Variants in DLGAP2 observed in about 807,000 individuals in gnomAD.
The protein encoded by DLGAP2 is DLG associated protein 2.
In DLGAP2, 26 loss-of-function variants were observed where a neutral mutation model predicts 100.3. The ratio of observed to expected loss-of-function variants is 0.26; its 90% CI spans 0.19 to 0.36. The LOEUF is 0.36. DLGAP2 is among the 10% of genes least tolerant of loss of function. The probability of loss-of-function intolerance (pLI) is 1.00; values close to 1 mark genes in which losing one functional copy is unlikely to be tolerated. For synonymous variants in DLGAP2, 886 were observed against 630.1 expected, an observed-to-expected ratio of 1.41 and a Z score of -6.08; for missense variants, 1,858 against 1,453.2, an observed-to-expected ratio of 1.28 and a Z score of -4.53.
intron 8 of DLGAP2, among the ~76,000 whole-genome samples, chr8:1,649,615 T>C (rs1038564259): frequency 3.3e-5 from 5 of 152,280 alleles, no homozygotes; most frequent in East Asian, 3.9e-4. Flanking sequence ...TCCAATGACA[T>C]AGAAGGTGGC....
intron 1 of DLGAP2, among the ~76,000 whole-genome samples, chr8:742,252 A>T (rs560407971): frequency 6.6e-6 from 1 of 152,222 alleles, no homozygotes; most frequent in East Asian, 1.9e-4. Flanking sequence ...CAGGAAAAAA[A>T]GAGAAAAATT....
At chr8:928,884 G>A (rs895796155) in intron 2 of DLGAP2, among the ~76,000 whole-genome samples, 1 of 151,910 alleles carries the variant, frequency 6.6e-6, no homozygotes, top group Non-Finnish European at 1.5e-5. Context: ...TTACACCAGG[G>A]TAGGGGCAGG....
At chr8:1,415,672 G>C (rs79501128) in intron 3 of DLGAP2, among the ~76,000 whole-genome samples, 1 of 152,176 alleles carries the variant, frequency 6.6e-6, no homozygotes, top group African/African-American at 2.4e-5. Flanking sequence ...ATAGAATTTC[G>C]TGGTGTATAG....
chr8:1,560,297 A>T (rs1802115732), intron 5 of DLGAP2, among the ~76,000 whole-genome samples: 1 of 152,154 alleles, frequency 6.6e-6, no homozygotes, highest in Non-Finnish European at 1.5e-5. Context: ...TCTTTTCATC[A>T]CTAAATGCAC....
intron 10 of DLGAP2, 40 bp downstream of exon 10, chr8:1,669,824 C>T (rs762757262): frequency 1.3e-6 from 1 of 780,860 alleles, no homozygotes; most frequent in Non-Finnish European, 2.4e-6. Flanking sequence ...GTCCGCATGA[C>T]TTTCATTTTC....
intron 2 of DLGAP2, among the ~76,000 whole-genome samples, chr8:1,233,578 C>T (rs61673674): frequency 0.44 from 67,429 of 151,932 alleles, 15,908 homozygotes; most frequent in Middle Eastern, 0.54. Context: ...GGACCTGATG[C>T]AAGGGGCGAA....
intron 2 of DLGAP2, among the ~76,000 whole-genome samples, chr8:1,001,440 CT>C (rs1375394816): frequency 6.6e-6 from 1 of 152,154 alleles, no homozygotes; most frequent in Non-Finnish European, 1.5e-5. Flanking sequence ...ATCTCTCAAA[CT>C]TTTCATCTAG....
chr8:770,231 C>T (rs1821322305), intron 1 of DLGAP2, among the ~76,000 whole-genome samples: 1 of 152,080 alleles, frequency 6.6e-6, no homozygotes, highest in African/African-American at 2.4e-5. Flanking sequence ...GCGGAATGCT[C>T]ATCTCGTCAG....
intron 2 of DLGAP2, among the ~76,000 whole-genome samples, chr8:1,257,681 C>T (rs958833824): frequency 2.6e-5 from 4 of 151,438 alleles, no homozygotes; most frequent in South Asian, 2.1e-4. Flanking sequence ...TCTGAGGGCC[C>T]GTGCAGGCCA....
intron 1 of DLGAP2, among the ~76,000 whole-genome samples, chr8:795,324 T>G (rs35217046): frequency 7.2e-5 from 11 of 152,098 alleles, no homozygotes; most frequent in African/African-American, 2.7e-4. Context: ...AACTCAGAGC[T>G]GACAGCCCAT....
At chr8:1,290,157 G>A (rs1477416884) in intron 3 of DLGAP2, among the ~76,000 whole-genome samples, 2 of 152,172 alleles carry the variant, frequency 1.3e-5, no homozygotes, top group African/African-American at 4.8e-5. Context: ...CGTGTGACAT[G>A]AGTCATCACA....
intron 2 of DLGAP2, among the ~76,000 whole-genome samples, chr8:1,229,300 C>G (rs1486300618): frequency 6.6e-6 from 1 of 150,744 alleles, no homozygotes; most frequent in African/African-American, 2.4e-5. Context: ...GTTTTAGAAT[C>G]GGAATCAGCT....
At chr8:752,175 C>T (rs1002777997) in intron 1 of DLGAP2, among the ~76,000 whole-genome samples, 3 of 152,184 alleles carry the variant, frequency 2.0e-5, no homozygotes, top group Admixed American at 2.0e-4. Flanking sequence ...AATCATTGGT[C>T]TCCCACTTTT....
In DLGAP2 at chr8:1,701,565, C is replaced by G. The variant is rs1339487179; in HGVS notation, c.*159C>G. ...CACAGCGGGACGCGGCCGGCGGCCT[C>G]AGAGTCCACGGAGCTCGCGGCGAGG... On this transcript the variant is annotated 3_prime_UTR_variant, in exon 15 of 15. Coordinates refer to ENST00000637795, the MANE Select transcript of DLGAP2 (RefSeq NM_001346810.2). The G allele has an allele frequency of 2.6e-6, 2 of 767,148 alleles. No individual in the cohort carries two copies. Among genetic ancestry groups the G allele is most frequent in the African/African-American group, 3.6e-5 (2 of 55,922 alleles). 47.5% of individuals were successfully genotyped at this position (767,148 alleles called of 1,614,324 possible).
At chr8:873,199 G>C (rs1174418564) in intron 1 of DLGAP2, among the ~76,000 whole-genome samples, 1 of 152,094 alleles carries the variant, frequency 6.6e-6, no homozygotes, top group South Asian at 2.1e-4. Context: ...CTTCAACCTT[G>C]CCAAACTCAT....
At chr8:812,031 G>T (rs1796380055) in intron 1 of DLGAP2, among the ~76,000 whole-genome samples, 1 of 152,248 alleles carries the variant, frequency 6.6e-6, no homozygotes, top group Admixed American at 6.5e-5. Flanking sequence ...TTCTGCCAAA[G>T]CCTGTACTGG....
At chr8:836,399 G>T (rs1013476573) in intron 1 of DLGAP2, among the ~76,000 whole-genome samples, 5 of 152,198 alleles carry the variant, frequency 3.3e-5, no homozygotes, top group African/African-American at 7.2e-5. Context: ...GCCTTGTCCG[G>T]GAAGAGGCAC....
At chr8:1,287,284 T>TTC (rs1563062097) in intron 3 of DLGAP2, among the ~76,000 whole-genome samples, 1 of 17,196 alleles carries the variant, frequency 5.8e-5, no homozygotes, top group African/African-American at 3.7e-4. Flanking sequence ...GTGTGTGTGG[T>TTC]TGTTAGGAGG....
intron 6 of DLGAP2, among the ~76,000 whole-genome samples, chr8:1,622,629 T>C (rs1401464412): frequency 6.6e-6 from 1 of 152,212 alleles, no homozygotes; most frequent in East Asian, 1.9e-4. Context: ...CCGTCTCGCC[T>C]GTTTGTGGAT....
Sources: allele counts gnomAD v4.1 joint callset (sites outside exome capture counted in the v4.1 genomes callset), GRCh38; gene constraint gnomAD v4.1.1; transcripts MANE v1.5; gene names NCBI Gene and HGNC (gene_info 2026-07-23, HGNC 2026-07-21).